The following PTPN1 variants were observed in gnomAD, a reference collection of about 807,000 sequenced individuals.
PTPN1 encodes the protein tyrosine-protein phosphatase non-receptor type 1.
A neutral mutation model predicts 59.9 loss-of-function variants in PTPN1; 12 were observed. The ratio of observed to expected loss-of-function variants is 0.20; its 90% CI spans 0.13 to 0.32. PTPN1 has a LOEUF of 0.32. PTPN1 is among the 10% of genes least tolerant of loss of function. PTPN1 has a pLI of 1.00. For missense variants in PTPN1, 356 were observed against 549.2 expected, an observed-to-expected ratio of 0.65 and a Z score of 3.52; for synonymous variants, 178 against 203.6, an observed-to-expected ratio of 0.87 and a Z score of 1.07.
intron 1 of PTPN1, among the ~76,000 whole-genome samples, chr20:50,534,942 TG>T (rs1331425490): frequency 6.6e-6 from 1 of 152,248 alleles, no homozygotes; most frequent in Non-Finnish European, 1.5e-5. Context: ...TTGCTCAGGC[TG>T]GCCTTGAACT....
Position 50,582,743 on chromosome 20 carries a change from C to T in PTPN1, c.*28C>T. 3 of 1,613,180 alleles carry T rather than the reference C, an allele frequency of 1.9e-6. No homozygotes were observed. Among genetic ancestry groups the T allele is most frequent in the Non-Finnish European group, 2.5e-6 (3 of 1,179,620 alleles). ...TGACCCTCCTCCACTCCACCTCCACCCACTGTCCGCCTCTGCCCGCAGAGC... is the reference window on the plus strand; with the variant it reads ...TGACCCTCCTCCACTCCACCTCCACTCACTGTCCGCCTCTGCCCGCAGAGC... On this transcript the variant is annotated 3_prime_UTR_variant, in exon 10 of 10. Transcript: ENST00000371621. This position sits in a 1 kb window ranked among gnomAD's most constrained non-coding sequence, Gnocchi z 4.2.
chr20:50,580,003 A>G, intron 8 of PTPN1, 77 bp downstream of exon 8: 2 of 1,351,816 alleles, frequency 1.5e-6, no homozygotes, highest in Non-Finnish European at 2.1e-6. Flanking sequence ...TGGTACTGAA[A>G]CCCTGTGGAT....
At chr20:50,532,992 C>T (rs2082607963) in intron 1 of PTPN1, among the ~76,000 whole-genome samples, 1 of 151,570 alleles carries the variant, frequency 6.6e-6, no homozygotes, top group African/African-American at 2.4e-5. Context: ...CTGGGGTCTG[C>T]AGGTATTGCC....
chr20:50,544,447 C>T (rs1198232415), intron 1 of PTPN1, among the ~76,000 whole-genome samples: 5 of 152,146 alleles, frequency 3.3e-5, no homozygotes, highest in Non-Finnish European at 4.4e-5. Flanking sequence ...TAAGCCATTG[C>T]GCCCTGCCTG....
intron 1 of PTPN1, among the ~76,000 whole-genome samples, chr20:50,524,390 A>G (rs1224570567): frequency 6.6e-6 from 1 of 152,126 alleles, no homozygotes; most frequent in Admixed American, 6.5e-5. Context: ...ATATTTTAAT[A>G]TGTAAAGATT....
rs374327246 is a variant in PTPN1, at chr20:50,561,498, G to A, written c.154+45G>A. 70 of 1,337,006 alleles carry A rather than the reference G, an allele frequency of 5.2e-5. No homozygotes were observed. The African/African-American group carries it at 8.0e-4, about 15-fold the overall frequency. 82.8% of individuals were successfully genotyped at this position (1,337,006 alleles called of 1,614,324 possible). ...GTACCAGTCTTGCTCTTCCTTTGCT[G>A]CAGGCCTTTTTAGTCAAGACTCCTT... is the stretch of plus-strand genomic sequence containing the variant. On this transcript the variant is annotated intron_variant, in intron 2 of 9. Transcript: ENST00000371621.
At chr20:50,533,104 T>G (rs1466106112) in intron 1 of PTPN1, among the ~76,000 whole-genome samples, 1 of 152,148 alleles carries the variant, frequency 6.6e-6, no homozygotes, top group Non-Finnish European at 1.5e-5. Flanking sequence ...CTCCTGATTT[T>G]GAAATAAATA....
At chr20:50,563,406 C>G (rs1386563990) in intron 2 of PTPN1, among the ~76,000 whole-genome samples, 3 of 152,186 alleles carry the variant, frequency 2.0e-5, no homozygotes, top group Non-Finnish European at 2.9e-5. Flanking sequence ...ATTGACTCTT[C>G]CCACAACCCT....
intron 1 of PTPN1, among the ~76,000 whole-genome samples, chr20:50,559,710 A>G (rs1186649811): frequency 6.6e-6 from 1 of 151,266 alleles, no homozygotes; most frequent in Non-Finnish European, 1.5e-5. Flanking sequence ...TGAGCTTGTC[A>G]TTTTTGCTAT....
rs2082790531 is a variant in PTPN1 at position 50,568,566 on chromosome 20, T to G, written c.354+88T>G. 8.9e-7 allele frequency: 1 copy of G among 1,127,366 alleles called. No individual in the cohort carries two copies. Among genetic ancestry groups the G allele is most frequent in the African/African-American group, 1.5e-5 (1 of 64,526 alleles). The allele number at this position is 1,127,366 out of a possible 1,614,324, so 69.8% of individuals were successfully genotyped here. A position where few individuals can be genotyped will look rare whatever the true frequency, so the allele number is the denominator to read the frequency against. The stretch of plus-strand genomic sequence containing the variant: ...TTCGTCCAGATTTTTAAATTATTTT[T>G]CTTGCCTTTGTATTTCCTTTACGTA... On this transcript the variant is annotated intron_variant, in intron 4 of 9. Transcript: ENST00000371621. The surrounding 1 kb of genome is among the most constrained non-coding windows in gnomAD (Gnocchi z 5.6).
intron 1 of PTPN1, among the ~76,000 whole-genome samples, chr20:50,550,131 T>C (rs35021953): frequency 6.6e-6 from 1 of 152,150 alleles, no homozygotes; most frequent in Non-Finnish European, 1.5e-5. Context: ...AAATGTACAC[T>C]GTGTGTTCAC....
chr20:50,565,951 T>G (rs2082777137), intron 3 of PTPN1, among the ~76,000 whole-genome samples: 3 of 152,236 alleles, frequency 2.0e-5, no homozygotes, highest in Admixed American at 2.0e-4. Context: ...CGCGTTCAAC[T>G]GAGGCCTTTC....
intron 1 of PTPN1, among the ~76,000 whole-genome samples, chr20:50,522,589 A>G (rs1010449257): frequency 4.6e-5 from 7 of 152,244 alleles, no homozygotes; most frequent in Admixed American, 2.0e-4. Flanking sequence ...GTTGTAGAAC[A>G]TGCTTTTTCT....
chr20:50,579,463 T>C (rs1260253272), intron 7 of PTPN1, 134 bp downstream of exon 7: 3 of 1,156,750 alleles, frequency 2.6e-6, no homozygotes, highest in Non-Finnish European at 2.5e-6. Flanking sequence ...TTAAAATAGC[T>C]AGAAAGTTGT....
chr20:50,510,495 G>C lies in PTPN1; in HGVS notation c.-33G>C. The C allele has an allele frequency of 6.5e-7, 1 of 1,547,806 alleles. No homozygotes were observed. Among genetic ancestry groups the C allele is most frequent in the South Asian group, 1.2e-5 (1 of 83,698 alleles). ...AGAGCGGCAGACGGCGCAGTGGGCC[G>C]AGAAGGAGGCGCAGCAGCCGCCCTG... On this transcript the variant is annotated 5_prime_UTR_variant, in exon 1 of 10. Transcript: ENST00000371621.
At chr20:50,565,126 G>T in intron 3 of PTPN1, 57 bp downstream of exon 3, 1 of 1,519,142 alleles carries the variant, frequency 6.6e-7, no homozygotes, top group Admixed American at 2.0e-5. Flanking sequence ...TGAGAGTGCT[G>T]TTATCCACAC....
At chr20:50,550,709 C>T (rs1008178424) in intron 1 of PTPN1, among the ~76,000 whole-genome samples, 13 of 152,200 alleles carry the variant, frequency 8.5e-5, no homozygotes, top group African/African-American at 3.1e-4. Context: ...TGTTGAGTGC[C>T]TACCCTGGGC....
rs201010390 is a variant in PTPN1 at position 50,581,352 on chromosome 20, G to A, written c.1176G>A (p.Pro392=). 2.5e-6 allele frequency: 4 copies of A among 1,614,100 alleles called. No individual in the cohort carries two copies. Among genetic ancestry groups the A allele is most frequent in the African/African-American group, 1.3e-5 (1 of 75,044 alleles). The part of the protein sequence containing the change: ...AQAASPAKGE[P]SLPEKDEDHA... ...CTGCCTCCCCAGCCAAAGGGGAGCC[G>A]TCACTGCCCGAGAAGGACGAGGACC... The change falls in exon 9 of 10, where the codon CCG becomes CCA. Residue 392 remains proline (P), a synonymous_variant. Transcript: ENST00000371621.
chr20:50,561,332 G>A (rs1406758723), intron 1 of PTPN1, 31 bp from the exon 2 acceptor site: 1 of 1,507,190 alleles, frequency 6.6e-7, no homozygotes, highest in Non-Finnish European at 9.1e-7. Flanking sequence ...GTGTCTGACG[G>A]TCAGTTAAAT....
Sources: gnomAD v4.1 joint callset for allele counts (sites outside exome capture counted in the v4.1 genomes callset) on GRCh38, gnomAD v4.1.1 for gene constraint, Gnocchi (gnomAD v3.1) non-coding constraint, MANE v1.5 for transcripts, NCBI Gene and HGNC (gene_info 2026-07-23, HGNC 2026-07-21) for gene names.